GCNT2: variants seen among roughly 807,000 people sequenced by gnomAD.
GCNT2 encodes N-acetyllactosaminide beta-1,6-N-acetylglucosaminyl-transferase.
GCNT2 carries 34 observed loss-of-function variants against 34.2 expected under a neutral mutation model. The observed-to-expected ratio is 1.00, with a 90% CI of 0.76 to 1.32. The LOEUF (loss-of-function observed/expected upper bound fraction) is 1.32, where lower values mean the gene tolerates loss of function less well. GCNT2 is among the 40% of genes most tolerant of loss of function. The probability of loss-of-function intolerance (pLI) is 0.00; values close to 1 mark genes in which losing one functional copy is unlikely to be tolerated. For synonymous variants in GCNT2, 212 were observed against 188.0 expected (o/e 1.13, Z -1.04); for missense variants, 584 against 489.4 (o/e 1.19, Z -1.82).
chr6:10,585,032 AGTGTGTGTGTGTGTGT>A lies in GCNT2; in HGVS notation c.926-36287_926-36272del, dbSNP rs57538079. ...TTCTTTGTTCCCTCTTCCCATAGTC[AGTGTGTGTGTGTGTGT>A]GTGTGTGTGTGTGTGTGTGTGTGTG... On this transcript the variant is annotated intron_variant, in intron 3 of 4. Transcript: ENST00000495262. Among the ~76,000 whole-genome samples the A allele has an allele frequency of 1.8e-3, 224 of 127,532 alleles. 2 individuals carry two copies. The highest frequency in any genetic ancestry group is 7.1e-3 in the South Asian group (26 of 3,652). The allele number at this position is 127,532 out of a possible 152,430, so 83.7% of individuals were successfully genotyped here.
chr6:10,602,775 G>A (rs889716650), intron 3 of GCNT2, among the ~76,000 whole-genome samples: 1 of 152,194 alleles, frequency 6.6e-6, no homozygotes, highest in Admixed American at 6.5e-5. Context: ...GCAGCCTGGT[G>A]CCTTGTTTTG....
intron 3 of GCNT2, among the ~76,000 whole-genome samples, chr6:10,606,805 AT>A (rs1765341047): frequency 6.6e-6 from 1 of 152,040 alleles, no homozygotes; most frequent in Non-Finnish European, 1.5e-5. Flanking sequence ...CTCAGAGATA[AT>A]AGTTCAGTAT....
chr6:10,600,956 AATTTTTTGT>A, intron 3 of GCNT2, among the ~76,000 whole-genome samples: 1 of 151,958 alleles, frequency 6.6e-6, no homozygotes, highest in South Asian at 2.1e-4. Context: ...ACACCCAGCA[AATTTTTTGT>A]ATTTTTTGTA....
chr6:10,613,830 C>T (rs1405244125), intron 3 of GCNT2, among the ~76,000 whole-genome samples: 2 of 152,110 alleles, frequency 1.3e-5, no homozygotes, highest in East Asian at 1.9e-4. Flanking sequence ...GGTTTGGAGA[C>T]GTTGGATGAT....
intron 3 of GCNT2, among the ~76,000 whole-genome samples, chr6:10,615,570 A>C (rs1765723304): frequency 6.6e-6 from 1 of 152,164 alleles, no homozygotes; most frequent in Non-Finnish European, 1.5e-5. Flanking sequence ...TGCCTGTTAC[A>C]GGAAAGGGAT....
At chr6:10,522,505 C>G (rs1429332079) in intron 1 of GCNT2, among the ~76,000 whole-genome samples, 1 of 152,174 alleles carries the variant, frequency 6.6e-6, no homozygotes, top group Non-Finnish European at 1.5e-5. Flanking sequence ...TACCTGTAGG[C>G]TGTGGTTTTC....
chr6:10,544,802 G>A (rs1479701173), intron 3 of GCNT2, among the ~76,000 whole-genome samples: 1 of 151,444 alleles, frequency 6.6e-6, no homozygotes, highest in South Asian at 2.1e-4. Flanking sequence ...AAAATTAGCT[G>A]GGCGTGGTGG....
At chr6:10,553,411 C>T (rs1213196603) in intron 3 of GCNT2, among the ~76,000 whole-genome samples, 1 of 152,220 alleles carries the variant, frequency 6.6e-6, no homozygotes, top group Admixed American at 6.5e-5. Flanking sequence ...CAGTTTTCCC[C>T]AGGTCTTTCG....
chr6:10,576,485 T>A (rs1303943196), intron 3 of GCNT2, among the ~76,000 whole-genome samples: 2 of 152,170 alleles, frequency 1.3e-5, no homozygotes, highest in Non-Finnish European at 2.9e-5. Flanking sequence ...GTTTCCTAGA[T>A]AATTGAAGCC....
intron 3 of GCNT2, among the ~76,000 whole-genome samples, chr6:10,545,522 A>C (rs1762230842): frequency 6.6e-6 from 1 of 152,166 alleles, no homozygotes. Flanking sequence ...GTCTCTTTCT[A>C]GTATTCTCCT....
chr6:10,532,563 G>A (rs373592481), intron 3 of GCNT2, among the ~76,000 whole-genome samples: 6 of 152,248 alleles, frequency 3.9e-5, no homozygotes, highest in Admixed American at 1.3e-4. Flanking sequence ...CACCCAGCCC[G>A]TGCTGGTCTT....
intron 2 of GCNT2, among the ~76,000 whole-genome samples, chr6:10,528,001 G>A (rs753487178): frequency 5.9e-5 from 9 of 152,048 alleles, no homozygotes; most frequent in African/African-American, 1.5e-4. Flanking sequence ...CATCCTATGC[G>A]GACCAGGGCA....
intron 4 of GCNT2, among the ~76,000 whole-genome samples, chr6:10,623,384 C>T (rs938398506): frequency 8.6e-5 from 13 of 151,766 alleles, no homozygotes; most frequent in African/African-American, 2.9e-4. Context: ...CTCCGTCTCC[C>T]GGGTTCAAGT....
chr6:10,523,025 C>G (rs560946703), intron 1 of GCNT2, among the ~76,000 whole-genome samples: 1 of 152,218 alleles, frequency 6.6e-6, no homozygotes, highest in Non-Finnish European at 1.5e-5. Flanking sequence ...CAAACGCAGG[C>G]GGAAAGTGCC....
At chr6:10,602,100 G>A (rs1765115414) in intron 3 of GCNT2, among the ~76,000 whole-genome samples, 3 of 152,138 alleles carry the variant, frequency 2.0e-5, no homozygotes, top group Admixed American at 2.0e-4. Flanking sequence ...CAGTCTCATT[G>A]CTTTATTTTA....
chr6:10,574,353 G>A (rs1037933063), intron 3 of GCNT2, among the ~76,000 whole-genome samples: 3 of 152,192 alleles, frequency 2.0e-5, no homozygotes, highest in African/African-American at 7.2e-5. Flanking sequence ...CGCCTTGTGA[G>A]GTAGTTTCTA....
intron 3 of GCNT2, among the ~76,000 whole-genome samples, chr6:10,541,581 A>T (rs1010033240): frequency 6.6e-6 from 1 of 152,208 alleles, no homozygotes. Flanking sequence ...AAGTAAAATC[A>T]TTAATTAAGG....
chr6:10,529,876 C>G, intron 3 of GCNT2, 40 bp downstream of exon 3: 2 of 1,438,612 alleles, frequency 1.4e-6, no homozygotes. Context: ...CGAATAAACA[C>G]TGCATGGTCA....
At chr6:10,625,428 T>C (rs1766216781) in intron 4 of GCNT2, among the ~76,000 whole-genome samples, 1 of 152,090 alleles carries the variant, frequency 6.6e-6, no homozygotes, top group Non-Finnish European at 1.5e-5. Flanking sequence ...TGGAAAATGG[T>C]TGCAACTTCC....
Sources: allele counts gnomAD v4.1 joint callset (sites outside exome capture counted in the v4.1 genomes callset), GRCh38; gene constraint gnomAD v4.1.1; transcripts MANE v1.5; gene names NCBI Gene and HGNC (gene_info 2026-07-23, HGNC 2026-07-21).